DAB1: variants seen among roughly 807,000 people sequenced by gnomAD.
DAB1 encodes DAB adaptor protein 1, also known as disabled homolog 1.
In DAB1, 15 loss-of-function variants were observed where a neutral mutation model predicts 64.6. That is an observed-to-expected ratio of 0.23 (90% CI 0.16 to 0.36). The LOEUF (loss-of-function observed/expected upper bound fraction) is 0.36. DAB1 is among the 10% of genes least tolerant of loss of function. DAB1 has a pLI of 1.00. For missense variants in DAB1, 596 were observed against 706.7 expected, an observed-to-expected ratio of 0.84 and a Z score of 1.78; for synonymous variants, 235 against 251.9, an observed-to-expected ratio of 0.93 and a Z score of 0.64.
At chr1:58,542,343 T>C (rs886620487) in intron 1 of DAB1, 3 of 152,238 alleles carry the variant, frequency 2.0e-5, no homozygotes, top group Non-Finnish European at 4.4e-5. Flanking sequence ...AAGGTTTTCA[T>C]TGGCTAGGGG....
At chr1:58,050,144 A>G (rs1647545021) in intron 5 of DAB1, among the ~76,000 whole-genome samples, 1 of 152,176 alleles carries the variant, frequency 6.6e-6, no homozygotes. Flanking sequence ...TTAAAAGAGA[A>G]CATAGATCAG....
At chr1:57,994,310 A>T (rs1646393108) in intron 5 of DAB1, among the ~76,000 whole-genome samples, 2 of 152,246 alleles carry the variant, frequency 1.3e-5, no homozygotes, top group African/African-American at 4.8e-5. Context: ...GAAAGAGGAA[A>T]GAATCTGAGA....
intron 1 of DAB1, among the ~76,000 whole-genome samples, chr1:58,530,090 C>G (rs1013506607): frequency 1.3e-5 from 2 of 152,114 alleles, no homozygotes; most frequent in Admixed American, 6.5e-5. Flanking sequence ...ACCACGTTAG[C>G]CAGGATGGTC....
At chr1:57,085,912 C>A (rs1437268554) in intron 4 of DAB1, among the ~76,000 whole-genome samples, 1 of 152,092 alleles carries the variant, frequency 6.6e-6, no homozygotes, top group Non-Finnish European at 1.5e-5. Flanking sequence ...TAGGAACTGA[C>A]TAGATAAAAA....
At chr1:57,759,659 A>G (rs1648976584) in intron 6 of DAB1, among the ~76,000 whole-genome samples, 1 of 152,192 alleles carries the variant, frequency 6.6e-6, no homozygotes, top group Non-Finnish European at 1.5e-5. Context: ...GGTTTTCAGC[A>G]GAGGAATTAA....
At chr1:57,879,153 T>G (rs899218901) in intron 1 of DAB1, among the ~76,000 whole-genome samples, 16 of 152,168 alleles carry the variant, frequency 1.1e-4, no homozygotes, top group African/African-American at 3.9e-4. Flanking sequence ...CATCTCTTCA[T>G]CTATGTCATT....
chr1:58,094,078 C>T (rs971721225), intron 5 of DAB1, among the ~76,000 whole-genome samples: 3 of 152,196 alleles, frequency 2.0e-5, no homozygotes, highest in African/African-American at 4.8e-5. Flanking sequence ...ACCAGCAGCT[C>T]TGTGTCCCAT....
At chr1:57,835,718 GCC>G (rs764601968) in intron 1 of DAB1, among the ~76,000 whole-genome samples, 24 of 152,318 alleles carry the variant, frequency 1.6e-4, no homozygotes, top group East Asian at 1.2e-3. Context: ...TATTTTAATA[GCC>G]CTGCTGTTTT....
chr1:58,128,081 C>T (rs1353021902), intron 5 of DAB1, among the ~76,000 whole-genome samples: 2 of 151,454 alleles, frequency 1.3e-5, no homozygotes, highest in African/African-American at 2.4e-5. Flanking sequence ...TTGATTCTTC[C>T]TACCCATGAG....
intron 3 of DAB1, among the ~76,000 whole-genome samples, chr1:58,470,914 TC>T (rs1645350531): frequency 6.6e-6 from 1 of 152,156 alleles, no homozygotes; most frequent in Non-Finnish European, 1.5e-5. Flanking sequence ...TAGACTTGGA[TC>T]CAGGCAGAAT....
At position 57,671,523 on chromosome 1, in the gene DAB1, C is replaced by G. The variant is rs555178384; in HGVS notation, n.552-21858G>C. On this transcript the variant is annotated intron_variant and non_coding_transcript_variant, in intron 6 of 20. Transcript: ENST00000485760. Reference sequence around the variant, plus strand: ...ATATAAAATCAACTTTGATGGGTCCCCATTTAATGAAAACTTGAACTCCTT... The same window carrying G: ...ATATAAAATCAACTTTGATGGGTCCGCATTTAATGAAAACTTGAACTCCTT... Among the ~76,000 whole-genome samples the G allele has an allele frequency of 6.6e-5, 10 of 152,120 alleles. No homozygotes were observed. The South Asian group carries it at 8.3e-4, about 13-fold the overall frequency.
intron 5 of DAB1, among the ~76,000 whole-genome samples, chr1:58,118,767 C>T (rs1652549086): frequency 6.6e-6 from 1 of 150,902 alleles, no homozygotes; most frequent in Non-Finnish European, 1.5e-5. Flanking sequence ...GACAAGAAAA[C>T]TGAGGCACCA....
At chr1:57,380,339 A>T (rs1487174881) in intron 1 of DAB1, among the ~76,000 whole-genome samples, 4 of 152,198 alleles carry the variant, frequency 2.6e-5, no homozygotes, top group Non-Finnish European at 1.5e-5. Context: ...ACAGGTTCTT[A>T]TAAATAGTGG....
chr1:57,877,284 G>A (rs11806667), intron 1 of DAB1, among the ~76,000 whole-genome samples: 10,698 of 152,148 alleles, frequency 0.07, 1,286 homozygotes, highest in African/African-American at 0.24. Context: ...GCCAACTAAA[G>A]TTAAGATTTG....
chr1:57,658,015 A>G (rs904513329), intron 6 of DAB1, among the ~76,000 whole-genome samples: 1 of 152,104 alleles, frequency 6.6e-6, no homozygotes, highest in African/African-American at 2.4e-5. Context: ...TATTCCAGAC[A>G]TGGTTCTAGA....
At chr1:58,278,159 C>A (rs1396670179) in intron 4 of DAB1, among the ~76,000 whole-genome samples, 2 of 152,246 alleles carry the variant, frequency 1.3e-5, no homozygotes, top group South Asian at 4.1e-4. Context: ...GTGATTGGAT[C>A]ATGGGGGCAG....
chr1:57,798,562 A>G (rs1650978203), intron 6 of DAB1, among the ~76,000 whole-genome samples: 1 of 152,214 alleles, frequency 6.6e-6, no homozygotes, highest in Non-Finnish European at 1.5e-5. Flanking sequence ...TGGCCATTTC[A>G]TGTCATGGAA....
chr1:57,614,864 CTTTCTTTTTTTTTT>C (rs1645771226), intron 7 of DAB1, among the ~76,000 whole-genome samples: 1 of 114,932 alleles, frequency 8.7e-6, no homozygotes, highest in Non-Finnish European at 1.8e-5. Context: ...TTCTTTCTTT[CTTTCTTTTTTTTTT>C]TTTTTTTTTT....
At chr1:57,549,012 T>C (rs1439323554) in intron 7 of DAB1, among the ~76,000 whole-genome samples, 1 of 152,224 alleles carries the variant, frequency 6.6e-6, no homozygotes, top group African/African-American at 2.4e-5. Context: ...CTCCAGAGCC[T>C]ATACTCTAGT....
Sources: allele counts gnomAD v4.1 joint callset (sites outside exome capture counted in the v4.1 genomes callset), GRCh38; gene constraint gnomAD v4.1.1; transcripts MANE v1.5; gene names NCBI Gene and HGNC (gene_info 2026-07-23, HGNC 2026-07-21).